PPP3R1: variants seen among roughly 807,000 people sequenced by gnomAD.
The protein encoded by PPP3R1 is calcineurin subunit B type 1.
PPP3R1 carries 5 observed loss-of-function variants against 22.6 expected under a neutral mutation model. That is an observed-to-expected ratio of 0.22 (90% CI 0.12 to 0.46). The LOEUF is 0.46. PPP3R1 is among the 20% of genes least tolerant of loss of function. PPP3R1 has a pLI of 0.99. For missense variants in PPP3R1, 61 were observed against 203.2 expected, an observed-to-expected ratio of 0.30 and a Z score of 4.25; for synonymous variants, 56 against 65.2, an observed-to-expected ratio of 0.86 and a Z score of 0.68.
chr2:68,186,385 A>G, intron 5 of PPP3R1, 83 bp downstream of exon 5: 1 of 1,350,902 alleles, frequency 7.4e-7, no homozygotes, highest in Non-Finnish European at 1.0e-6. Flanking sequence ...TTTAGGACAA[A>G]ATATGGAAAT....
chr2:68,229,946 A>G (rs149426368), intron 1 of PPP3R1, among the ~76,000 whole-genome samples: 7,482 of 146,908 alleles, frequency 0.051, 686 homozygotes, highest in African/African-American at 0.18. Context: ...ATGTGTGTAT[A>G]TATGTGTGTG....
chr2:68,208,161 C>T (rs915025129), intron 2 of PPP3R1, among the ~76,000 whole-genome samples: 4 of 151,958 alleles, frequency 2.6e-5, no homozygotes, highest in South Asian at 2.1e-4. Flanking sequence ...TCTCAAAAAA[C>T]GCCCGACTCA....
At chr2:68,249,995 G>C (rs75885423) in intron 1 of PPP3R1, among the ~76,000 whole-genome samples, 2,685 of 152,218 alleles carry the variant, frequency 0.018, 87 homozygotes, top group African/African-American at 0.06. Context: ...TGATTTATTT[G>C]GGTTAATCGA....
At chr2:68,223,910 A>C (rs1343091739) in intron 1 of PPP3R1, among the ~76,000 whole-genome samples, 1 of 152,212 alleles carries the variant, frequency 6.6e-6, no homozygotes, top group Non-Finnish European at 1.5e-5. Flanking sequence ...GCAAATTACT[A>C]AAAAGCTATC....
intron 2 of PPP3R1, among the ~76,000 whole-genome samples, chr2:68,207,832 T>C (rs1024816226): frequency 6.6e-6 from 1 of 152,084 alleles, no homozygotes; most frequent in Non-Finnish European, 1.5e-5. Context: ...CAATTTTGAG[T>C]GGAACTCTTT....
chr2:68,246,017 A>C (rs1670229473), intron 1 of PPP3R1, among the ~76,000 whole-genome samples: 1 of 151,412 alleles, frequency 6.6e-6, no homozygotes, highest in Non-Finnish European at 1.5e-5. Context: ...GAAAAGATTC[A>C]AAAGATAATC....
intron 4 of PPP3R1, 101 bp downstream of exon 4, chr2:68,187,154 G>T: frequency 9.9e-7 from 1 of 1,005,500 alleles, no homozygotes; most frequent in Non-Finnish European, 1.4e-6. Context: ...TAAGGATCTG[G>T]AATAAAAGAC....
At chr2:68,251,654 G>A (rs1670358187) in intron 1 of PPP3R1, among the ~76,000 whole-genome samples, 1 of 151,530 alleles carries the variant, frequency 6.6e-6, no homozygotes, top group South Asian at 2.1e-4. Flanking sequence ...TGGAGAGTAA[G>A]TGGGTCTTAT....
chr2:68,204,885 T>C (rs905938347), intron 2 of PPP3R1, among the ~76,000 whole-genome samples: 3 of 152,260 alleles, frequency 2.0e-5, no homozygotes, highest in Admixed American at 6.5e-5. Flanking sequence ...CCAGGCATTA[T>C]GCTTCCACTG....
rs201152385 is a variant in PPP3R1, at chr2:68,229,973, TACACAC to T, written c.4-12848_4-12843del. ...ATGTGTGTGTGTATATATACACACATACACACACACACACACACACACACACACACA... is the reference window on the plus strand; with the variant it reads ...ATGTGTGTGTGTATATATACACACATACACACACACACACACACACACACA... On this transcript the variant is annotated intron_variant, in intron 1 of 5. Transcript: ENST00000234310. Among the ~76,000 whole-genome samples, 1,264 of 143,224 alleles carry T rather than the reference TACACAC, an allele frequency of 8.8e-3. 10 individuals carry two copies. Among genetic ancestry groups the T allele is most frequent in the Middle Eastern group, 0.021 (6 of 292 alleles). The allele number at this position is 143,224 out of a possible 152,430, so 94.0% of individuals were successfully genotyped here.
chr2:68,230,053 C>A (rs1669865298), intron 1 of PPP3R1, among the ~76,000 whole-genome samples: 1 of 151,890 alleles, frequency 6.6e-6, no homozygotes, highest in African/African-American at 2.4e-5. Flanking sequence ...AGCGTAGCGG[C>A]ACAATCTTGG....
chr2:68,251,085 A>C (rs997263740), intron 1 of PPP3R1: 5 of 152,218 alleles, frequency 3.3e-5, no homozygotes, highest in African/African-American at 7.2e-5. Context: ...TATACGCGGA[A>C]TAGCACTCTG....
At chr2:68,203,902 CTCT>C (rs1675048416) in intron 2 of PPP3R1, among the ~76,000 whole-genome samples, 1 of 152,178 alleles carries the variant, frequency 6.6e-6, no homozygotes, top group East Asian at 1.9e-4. Flanking sequence ...GTCTGCCAAG[CTCT>C]TCTTAGGGGA....
chr2:68,195,482 CT>C (rs1252044611), intron 2 of PPP3R1, among the ~76,000 whole-genome samples: 1 of 152,152 alleles, frequency 6.6e-6, no homozygotes, highest in Non-Finnish European at 1.5e-5. Flanking sequence ...AATCTACCAT[CT>C]TTTCCTTTGC....
At chr2:68,247,499 G>A (rs1292118393) in intron 1 of PPP3R1, among the ~76,000 whole-genome samples, 5 of 152,154 alleles carry the variant, frequency 3.3e-5, no homozygotes, top group Admixed American at 3.3e-4. Flanking sequence ...AGCAGGCACT[G>A]TTAATATTTC....
chr2:68,183,672 A>G (rs1674469583), intron 5 of PPP3R1, among the ~76,000 whole-genome samples: 1 of 152,206 alleles, frequency 6.6e-6, no homozygotes, highest in Admixed American at 6.5e-5. Context: ...AATATCCCCA[A>G]GGATAATGAC....
intron 1 of PPP3R1, among the ~76,000 whole-genome samples, chr2:68,232,140 T>TACAC (rs1558641322): frequency 1.1e-5 from 1 of 93,912 alleles, no homozygotes; most frequent in Admixed American, 1.2e-4. Context: ...CACACACACA[T>TACAC]ATATATGTAT....
chr2:68,209,966 GTT>G (rs1335712140), intron 2 of PPP3R1, among the ~76,000 whole-genome samples: 1 of 152,116 alleles, frequency 6.6e-6, no homozygotes, highest in African/African-American at 2.4e-5. Flanking sequence ...ATTGACAAGT[GTT>G]TTGGGGGAAA....
chr2:68,238,325 C>T (rs1236324509), intron 1 of PPP3R1, among the ~76,000 whole-genome samples: 1 of 152,114 alleles, frequency 6.6e-6, no homozygotes, highest in Non-Finnish European at 1.5e-5. Context: ...TACAAATGGC[C>T]ATTAACTGCC....
Sources: allele counts gnomAD v4.1 joint callset (sites outside exome capture counted in the v4.1 genomes callset), GRCh38; gene constraint gnomAD v4.1.1; transcripts MANE v1.5; gene names NCBI Gene and HGNC (gene_info 2026-07-23, HGNC 2026-07-21).